KCNQ5: variants seen among roughly 807,000 people sequenced by gnomAD.
KCNQ5 encodes the protein potassium voltage-gated channel subfamily KQT member 5.
KCNQ5 carries 30 observed loss-of-function variants against 98.2 expected under a neutral mutation model. The ratio of observed to expected loss-of-function variants is 0.31; its 90% CI spans 0.23 to 0.41. The LOEUF is 0.41. KCNQ5 is among the 10% of genes least tolerant of loss of function. KCNQ5 has a pLI of 1.00. For missense variants in KCNQ5, 835 were observed against 1,182.5 expected, an observed-to-expected ratio of 0.71 and a Z score of 4.31; for synonymous variants, 458 against 449.4, an observed-to-expected ratio of 1.02 and a Z score of -0.24.
At chr6:72,908,314 T>C (rs1779786346) in intron 1 of KCNQ5, among the ~76,000 whole-genome samples, 1 of 151,992 alleles carries the variant, frequency 6.6e-6, no homozygotes, top group Non-Finnish European at 1.5e-5. Context: ...GGTAATAAAA[T>C]TGCGTTGTGT....
At chr6:72,693,580 T>C (rs1427730403) in intron 1 of KCNQ5, among the ~76,000 whole-genome samples, 1 of 152,078 alleles carries the variant, frequency 6.6e-6, no homozygotes, top group Non-Finnish European at 1.5e-5. Flanking sequence ...GAAATAAATG[T>C]TAGGGCCCAG....
intron 1 of KCNQ5, among the ~76,000 whole-genome samples, chr6:72,932,925 G>GA (rs1362310994): frequency 2.6e-5 from 4 of 152,256 alleles, no homozygotes; most frequent in African/African-American, 4.8e-5. Flanking sequence ...GAAAATGCCT[G>GA]AAAAATGTTT....
Position 73,143,822 on chromosome 6 carries a change from C to T in KCNQ5, c.1468+10181C>T, listed in dbSNP as rs150226035. ...TTGGCACTGAGGGGAACAAAAGGCA[C>T]CTTCCTCATTCTTCAGACTTCATAG... is the stretch of plus-strand genomic sequence containing the variant. On this transcript the variant is annotated intron_variant, in intron 10 of 13. Transcript: ENST00000370398. Among the ~76,000 whole-genome samples the T allele has an allele frequency of 7.1e-3, 1,084 of 152,260 alleles. 11 individuals are homozygous for T. Among genetic ancestry groups the T allele is most frequent in the African/African-American group, 0.024 (1,012 of 41,548 alleles).
At chr6:73,079,805 A>C (rs1246172486) in intron 5 of KCNQ5, among the ~76,000 whole-genome samples, 2 of 152,358 alleles carry the variant, frequency 1.3e-5, no homozygotes, top group Admixed American at 6.5e-5. Flanking sequence ...GCAAATGAAA[A>C]TCTGTGACTC....
chr6:72,727,980 TA>T (rs1373549945), intron 1 of KCNQ5, among the ~76,000 whole-genome samples: 2 of 152,084 alleles, frequency 1.3e-5, no homozygotes, highest in Non-Finnish European at 2.9e-5. Flanking sequence ...AAAGGCAGAG[TA>T]AATGCACCAA....
rs1372040712 is a variant in KCNQ5, at chr6:73,196,211, C to G, written c.*797C>G. Reference sequence around the variant, plus strand: ...GCGTATGAAATACTGGTCAGTAGAACAGCCATTGTGATTGGACTGGTTTCT... The same window carrying G: ...GCGTATGAAATACTGGTCAGTAGAAGAGCCATTGTGATTGGACTGGTTTCT... On this transcript the variant is annotated 3_prime_UTR_variant, in exon 14 of 14. Coordinates refer to ENST00000370398, the MANE Select transcript of KCNQ5 (RefSeq NM_019842.4). 1 of 152,264 alleles carries G rather than the reference C, an allele frequency of 6.6e-6. No individual in the cohort carries two copies. Among genetic ancestry groups the G allele is most frequent in the African/African-American group, 2.4e-5 (1 of 41,440 alleles). The allele number at this position is 152,264 out of a possible 1,614,324, so 9.4% of individuals were successfully genotyped here.
chr6:72,702,047 T>C (rs1044426385), intron 1 of KCNQ5, among the ~76,000 whole-genome samples: 5 of 152,172 alleles, frequency 3.3e-5, no homozygotes, highest in African/African-American at 1.2e-4. Flanking sequence ...ATAAACTCCA[T>C]GTTACATCTT....
chr6:72,864,270 C>T (rs1282233877), intron 1 of KCNQ5, among the ~76,000 whole-genome samples: 2 of 152,162 alleles, frequency 1.3e-5, no homozygotes, highest in Admixed American at 1.3e-4. Context: ...TACCCTTCCA[C>T]TTTTCTTTTT....
intron 1 of KCNQ5, among the ~76,000 whole-genome samples, chr6:72,918,478 C>A (rs987243962): frequency 2.6e-5 from 4 of 151,762 alleles, no homozygotes; most frequent in African/African-American, 9.7e-5. Flanking sequence ...GTCTCAAGAT[C>A]ATGAGAGAGA....
At chr6:72,735,205 G>A (rs1261851622) in intron 1 of KCNQ5, among the ~76,000 whole-genome samples, 1 of 152,108 alleles carries the variant, frequency 6.6e-6, no homozygotes, top group Non-Finnish European at 1.5e-5. Context: ...CTATATTTAA[G>A]CTTAAAACTA....
chr6:73,054,871 A>T (rs1029852120), intron 3 of KCNQ5, among the ~76,000 whole-genome samples: 1 of 152,154 alleles, frequency 6.6e-6, no homozygotes, highest in Admixed American at 6.5e-5. Flanking sequence ...AAGATATAAA[A>T]GCCATCTGAA....
At chr6:73,154,996 A>T (rs1165040429) in intron 10 of KCNQ5, among the ~76,000 whole-genome samples, 1 of 152,208 alleles carries the variant, frequency 6.6e-6, no homozygotes, top group East Asian at 1.9e-4. Flanking sequence ...TCTAACAAGG[A>T]AAGGGGCTTG....
At chr6:72,927,127 T>C (rs1413341709) in intron 1 of KCNQ5, among the ~76,000 whole-genome samples, 1 of 152,194 alleles carries the variant, frequency 6.6e-6, no homozygotes, top group Non-Finnish European at 1.5e-5. Flanking sequence ...TAAAACTGGC[T>C]AACTTTGGGC....
At chr6:73,016,547 G>A (rs1770356047) in intron 2 of KCNQ5, among the ~76,000 whole-genome samples, 1 of 152,072 alleles carries the variant, frequency 6.6e-6, no homozygotes, top group South Asian at 2.1e-4. Flanking sequence ...TCATGGATAT[G>A]GCACCAAAAT....
At chr6:72,988,649 C>CTTTTTTTTT (rs71540364) in intron 1 of KCNQ5, among the ~76,000 whole-genome samples, 2 of 127,860 alleles carry the variant, frequency 1.6e-5, no homozygotes, top group East Asian at 2.3e-4. Flanking sequence ...GCATGATTTT[C>CTTTTTTTTT]TTTTTTTTTT....
At chr6:72,824,395 A>G (rs1363052687) in intron 1 of KCNQ5, among the ~76,000 whole-genome samples, 1 of 152,168 alleles carries the variant, frequency 6.6e-6, no homozygotes, top group Non-Finnish European at 1.5e-5. Flanking sequence ...GTATCAAAAT[A>G]TCTGATAATT....
intron 1 of KCNQ5, among the ~76,000 whole-genome samples, chr6:72,883,867 T>C (rs569431258): frequency 6.6e-6 from 1 of 152,202 alleles, no homozygotes; most frequent in African/African-American, 2.4e-5. Flanking sequence ...AAGAGTGAGG[T>C]GGTACTTCAA....
At chr6:73,018,273 A>G (rs1276710485) in intron 2 of KCNQ5, among the ~76,000 whole-genome samples, 1 of 152,118 alleles carries the variant, frequency 6.6e-6, no homozygotes, top group Non-Finnish European at 1.5e-5. Context: ...GTCTTGACCT[A>G]TAGCCTACAG....
At chr6:73,159,786 T>A (rs966888743) in intron 10 of KCNQ5, among the ~76,000 whole-genome samples, 2 of 152,216 alleles carry the variant, frequency 1.3e-5, no homozygotes, top group Admixed American at 6.5e-5. Flanking sequence ...TCCTTATACA[T>A]TGTGGATATT....
Sources: allele counts gnomAD v4.1 joint callset (sites outside exome capture counted in the v4.1 genomes callset), GRCh38; gene constraint gnomAD v4.1.1; transcripts MANE v1.5; gene names NCBI Gene and HGNC (gene_info 2026-07-23, HGNC 2026-07-21).